Variants in MAGT1 observed in about 807,000 individuals in gnomAD.
The protein encoded by MAGT1 is dolichyl-diphosphooligosaccharide--protein glycosyltransferase subunit MAGT1.
In MAGT1, 4 loss-of-function variants were observed where a neutral mutation model predicts 28.4. That is an observed-to-expected ratio of 0.14 (90% CI 0.07 to 0.32). The LOEUF is 0.32. Among genes scored for constraint, MAGT1 ranks in the 10% least tolerant of loss-of-function variants. The pLI, the probability that MAGT1 is intolerant of heterozygous loss-of-function variation, is 1.00. For synonymous variants in MAGT1, 89 were observed against 89.7 expected (o/e 0.99, Z 0.04); for missense variants, 193 against 264.5 (o/e 0.73, Z 1.88).
chrX:77,894,987 C>T (rs2077094416), intron 1 of MAGT1, among the ~76,000 whole-genome samples: 1 of 111,285 alleles, frequency 9.0e-6, no homozygotes, highest in South Asian at 3.8e-4. Flanking sequence ...ATATCCTACT[C>T]CTGGGATCTA....
chrX:77,825,874 A>T lies in MAGT1; in HGVS notation c.*3346T>A. The stretch of plus-strand genomic sequence containing the variant: ...ATATGTTCAGAGAGGTTCAGGTGAC[A>T]CCTATGGTCATATAGTTAGACAGAA... On this transcript the variant is annotated 3_prime_UTR_variant, in exon 10 of 10. Transcript: ENST00000618282. 8.9e-6 allele frequency among the ~76,000 whole-genome samples: 1 copy of T among 112,965 alleles called. No individual in the cohort carries two copies.
chrX:77,839,912 G>A (rs1225030510), intron 8 of MAGT1, among the ~76,000 whole-genome samples: 1 of 110,936 alleles, frequency 9.0e-6, no homozygotes, highest in Admixed American at 9.7e-5. Context: ...CTCCCAAAGT[G>A]CCAGGATTAC....
rs782553950 is a variant in MAGT1 at position 77,859,909 on chromosome X, G to A, written c.391-2412C>T. The stretch of plus-strand genomic sequence containing the variant: ...ATATAGCCAAATTGTCTTCCAAAGT[G>A]GCTGTGCCAAAATATACTTCTACTT... On this transcript the variant is annotated intron_variant, in intron 3 of 9. Transcript: ENST00000618282. Among the ~76,000 whole-genome samples the A allele has an allele frequency of 9.9e-5, 11 of 111,023 alleles. No homozygotes were observed. In the East Asian group the frequency reaches 3.1e-3, roughly 31 times the overall value.
At chrX:77,832,558 C>T (rs1367973791) in intron 8 of MAGT1, among the ~76,000 whole-genome samples, 2 of 111,102 alleles carry the variant, frequency 1.8e-5, no homozygotes, top group Admixed American at 1.9e-4. Context: ...CGGCCGGGCG[C>T]TGTGGCTCAT....
At chrX:77,855,452 T>C (rs1557215889) in intron 6 of MAGT1, 49 bp downstream of exon 6, 2 of 904,044 alleles carry the variant, frequency 2.2e-6, no homozygotes, top group South Asian at 2.0e-5. Context: ...GTAATAATCA[T>C]TGAGTTAACT....
chrX:77,876,150 ATATATATATATATATTTTTT>A (rs1457833053), intron 1 of MAGT1, among the ~76,000 whole-genome samples: 1 of 29,981 alleles, frequency 3.3e-5, no homozygotes, highest in Non-Finnish European at 6.1e-5. Flanking sequence ...ATATATATAT[ATATATATATATATATTTTTT>A]TTTTTTTTTT....
At position 77,826,393 on chromosome X, in the gene MAGT1, CA is replaced by C. The variant is rs1557212925; in HGVS notation, c.*2826del. On this transcript the variant is annotated 3_prime_UTR_variant, in exon 10 of 10. Transcript: ENST00000618282. ...GATTGTAAAAGTTTATTGATATGGT[CA>C]AAAAGCAAACAGCCAGACATTTGGT... 1.8e-5 allele frequency: 2 copies of C among 112,313 alleles called. No homozygotes were observed. The highest frequency in any genetic ancestry group is 6.5e-5 in the African/African-American group (2 of 30,889). 9.3% of individuals were successfully genotyped at this position (112,313 alleles called of 1,213,427 possible).
intron 6 of MAGT1, among the ~76,000 whole-genome samples, chrX:77,855,061 C>T (rs2076977984): frequency 1.8e-5 from 2 of 111,649 alleles, no homozygotes; most frequent in Admixed American, 9.6e-5. Flanking sequence ...GGCCTGTATT[C>T]CCAGCACTTT....
Position 77,828,588 on chromosome X carries a change from A to G in MAGT1, c.*632T>C, listed in dbSNP as rs983342287. 2.7e-5 allele frequency: 3 copies of G among 110,985 alleles called. No homozygotes were observed. Among genetic ancestry groups the G allele is most frequent in the Non-Finnish European group, 5.6e-5 (3 of 53,130 alleles). 9.1% of individuals were successfully genotyped at this position (110,985 alleles called of 1,213,427 possible). A position where few individuals can be genotyped will look rare whatever the true frequency, so the allele number is the denominator to read the frequency against. On this transcript the variant is annotated 3_prime_UTR_variant, in exon 10 of 10. Coordinates refer to ENST00000618282, the MANE Select transcript of MAGT1 (RefSeq NM_001367916.1). The stretch of plus-strand genomic sequence containing the variant: ...TCAAAAAAACAACAAAACAAAAACA[A>G]TCATAGACAGCACTGTATTTCAGTA...
At chrX:77,890,663 AC>A (rs2077079745) in intron 1 of MAGT1, among the ~76,000 whole-genome samples, 1 of 112,239 alleles carries the variant, frequency 8.9e-6, no homozygotes, top group South Asian at 3.6e-4. Flanking sequence ...CAAAACATTT[AC>A]CACCCAGAGG....
intron 1 of MAGT1, among the ~76,000 whole-genome samples, chrX:77,882,054 T>G (rs1330055496): frequency 4.5e-5 from 5 of 112,243 alleles, no homozygotes; most frequent in Non-Finnish European, 7.5e-5. Context: ...AACCACATGA[T>G]TATCTCAATA....
intron 3 of MAGT1, among the ~76,000 whole-genome samples, chrX:77,862,727 C>CATT (rs1424901655): frequency 3.6e-5 from 4 of 111,028 alleles, no homozygotes; most frequent in East Asian, 2.8e-4. Flanking sequence ...TTAGAATGGC[C>CATT]ATTATTATTA....
chrX:77,858,540 T>C (rs782759659), intron 3 of MAGT1, among the ~76,000 whole-genome samples: 60 of 112,079 alleles, frequency 5.4e-4, no homozygotes, highest in Non-Finnish European at 8.4e-4. Flanking sequence ...CCAACTCCCA[T>C]GCTTTGATTC....
At chrX:77,832,822 CAAAAAAAAAAAAAAAAA>C (rs72197791) in intron 8 of MAGT1, among the ~76,000 whole-genome samples, 29 of 32,349 alleles carry the variant, frequency 9.0e-4, no homozygotes, top group Non-Finnish European at 2.4e-4. Context: ...GCCTCTGTCT[CAAAAAAAAAAAAAAAAA>C]AAAAAAAAAA....
At chrX:77,843,678 G>A (rs1203190834) in intron 7 of MAGT1, among the ~76,000 whole-genome samples, 1 of 111,352 alleles carries the variant, frequency 9.0e-6, no homozygotes, top group Middle Eastern at 4.6e-3. Context: ...TGATCATTTC[G>A]TTTTTTAAAA....
rs182589834 is a variant in MAGT1, at chrX:77,884,123, G to C, written c.103-8526C>G. Among the ~76,000 whole-genome samples the C allele has an allele frequency of 3.5e-3, 389 of 111,420 alleles. 3 individuals carry two copies. The highest frequency in any genetic ancestry group is 0.012 in the African/African-American group (369 of 30,745). ...CACGAGAATCACTTGAACCTGGGAG[G>C]TGGAGGTTGCAGTGAGCTGAGACTG... On this transcript the variant is annotated intron_variant, in intron 1 of 9. Transcript: ENST00000618282.
chrX:77,872,199 T>C (rs1557217378), intron 2 of MAGT1, among the ~76,000 whole-genome samples: 1 of 109,824 alleles, frequency 9.1e-6, no homozygotes, highest in African/African-American at 3.3e-5. Flanking sequence ...CCCACCATCA[T>C]GCCCAGCTAA....
At chrX:77,869,458 A>C (rs1018538566) in intron 3 of MAGT1, among the ~76,000 whole-genome samples, 21 of 112,399 alleles carry the variant, frequency 1.9e-4, no homozygotes, top group African/African-American at 6.1e-4. Context: ...CTGCAGAGTA[A>C]ACCAACAACC....
chrX:77,835,068 G>A (rs191115627), intron 8 of MAGT1, among the ~76,000 whole-genome samples: 2 of 106,152 alleles, frequency 1.9e-5, no homozygotes, highest in African/African-American at 6.9e-5. Context: ...CCATTCTCCT[G>A]CCTCAGCCTC....
Sources: gnomAD v4.1 joint callset for allele counts (sites outside exome capture counted in the v4.1 genomes callset) on GRCh38, gnomAD v4.1.1 for gene constraint, MANE v1.5 for transcripts, NCBI Gene and HGNC (gene_info 2026-07-23, HGNC 2026-07-21) for gene names.